Variants in ANKRD6 observed in about 807,000 individuals in gnomAD.
ANKRD6 encodes the protein ankyrin repeat domain-containing protein 6.
In ANKRD6, 56 loss-of-function variants were observed where a neutral mutation model predicts 82.3. The ratio of observed to expected loss-of-function variants is 0.68; its 90% CI spans 0.55 to 0.85. The LOEUF is 0.85. Ranked by LOEUF, ANKRD6 falls within the 40% of genes least tolerant of loss-of-function variation. The probability of loss-of-function intolerance (pLI) is 0.00; values close to 1 mark genes in which losing one functional copy is unlikely to be tolerated. For synonymous variants in ANKRD6, 347 were observed against 352.1 expected (o/e 0.99, Z 0.16); for missense variants, 852 against 907.6 (o/e 0.94, Z 0.79).
At chr6:89,447,865 T>TTTTTTTTTTTTTTTTTC (rs1772301254) in intron 1 of ANKRD6, among the ~76,000 whole-genome samples, 2 of 149,960 alleles carry the variant, frequency 1.3e-5, no homozygotes, top group African/African-American at 2.5e-5. Context: ...TTTTTTTTTT[T>TTTTTTTTTTTTTTTTTC]CAGTAGAGAT....
chr6:89,474,121 C>CAA (rs1171924028), intron 1 of ANKRD6, among the ~76,000 whole-genome samples: 1 of 151,886 alleles, frequency 6.6e-6, no homozygotes, highest in East Asian at 1.9e-4. Flanking sequence ...CAAAACAAAA[C>CAA]AAAACAAAAC....
At chr6:89,576,928 T>G (rs1791241674) in intron 2 of ANKRD6, among the ~76,000 whole-genome samples, 1 of 152,124 alleles carries the variant, frequency 6.6e-6, no homozygotes, top group African/African-American at 2.4e-5. Flanking sequence ...ATGGGCATTT[T>G]TTATTTTTTA....
rs1311177870 is a variant in ANKRD6 at position 89,541,436 on chromosome 6, A to G, written c.-143-25398A>G. Among the ~76,000 whole-genome samples, 6 of 111,030 alleles carry G rather than the reference A, an allele frequency of 5.4e-5. No homozygotes were observed. The East Asian group carries it at 1.4e-3, about 26-fold the overall frequency. 72.8% of individuals were successfully genotyped at this position (111,030 alleles called of 152,430 possible). Reference sequence around the variant, plus strand: ...GAGATGGAGTCTCGCACTGTCACCCAGGCTGGAGTGCAGTGGCGCTATCTC... The same window carrying G: ...GAGATGGAGTCTCGCACTGTCACCCGGGCTGGAGTGCAGTGGCGCTATCTC... On this transcript the variant is annotated intron_variant, in intron 1 of 15. Coordinates refer to ENST00000339746, the MANE Select transcript of ANKRD6 (RefSeq NM_001242809.2).
chr6:89,473,223 C>T (rs1775674601), intron 1 of ANKRD6, among the ~76,000 whole-genome samples: 1 of 152,012 alleles, frequency 6.6e-6, no homozygotes, highest in South Asian at 2.1e-4. Context: ...TCAGCCTGGT[C>T]AACATGGTGA....
intron 4 of ANKRD6, 39 bp from the exon 5 acceptor site, chr6:89,605,968 T>A: frequency 6.9e-7 from 1 of 1,446,942 alleles, no homozygotes; most frequent in Non-Finnish European, 9.4e-7. Flanking sequence ...GAATTAGGTC[T>A]TGGGTAATGT....
rs139733151 is a variant in ANKRD6, at chr6:89,541,729, C to G, written c.-143-25105C>G. On this transcript the variant is annotated intron_variant, in intron 1 of 15. Transcript: ENST00000339746. ...TGTTCACTGTTGGCATATAGAAATA[C>G]TGTTGATTTTTGTATCCTGCAACAT... 3.0e-3 allele frequency among the ~76,000 whole-genome samples: 448 copies of G among 151,852 alleles called. 1 individual carries two copies. Among genetic ancestry groups the G allele is most frequent in the African/African-American group, 9.8e-3 (406 of 41,480 alleles).
intron 1 of ANKRD6, among the ~76,000 whole-genome samples, chr6:89,513,491 C>A (rs1043498769): frequency 1.3e-5 from 2 of 152,118 alleles, no homozygotes; most frequent in Non-Finnish European, 2.9e-5. Flanking sequence ...TTGTATCTGA[C>A]CTCTTTTGCT....
At chr6:89,484,197 C>T (rs745542204) in intron 1 of ANKRD6, among the ~76,000 whole-genome samples, 3 of 152,154 alleles carry the variant, frequency 2.0e-5, no homozygotes, top group Non-Finnish European at 4.4e-5. Context: ...TGTGAGCCAC[C>T]GCGGCCGGCC....
chr6:89,526,448 T>C (rs1392526400), intron 1 of ANKRD6, among the ~76,000 whole-genome samples: 1 of 152,188 alleles, frequency 6.6e-6, no homozygotes, highest in African/African-American at 2.4e-5. Context: ...AGTAGTCCTG[T>C]TGGCAGGCTC....
At chr6:89,572,427 C>T (rs1015816672) in intron 2 of ANKRD6, among the ~76,000 whole-genome samples, 28 of 152,180 alleles carry the variant, frequency 1.8e-4, no homozygotes, top group African/African-American at 3.6e-4. Context: ...TTCAATCTTA[C>T]GGATTTTGAC....
rs190174205 is a variant in ANKRD6, at chr6:89,439,009, T to C, written c.-144+5634T>C. Among the ~76,000 whole-genome samples the C allele has an allele frequency of 7.3e-3, 1,116 of 152,296 alleles. 46 individuals are homozygous for C. Among genetic ancestry groups the C allele is most frequent in the Admixed American group, 0.061 (925 of 15,284 alleles). ...ATGTATGTGTTTGTATATATGTATA[T>C]ACACTGTATAAATAAAATGTTATGT... On this transcript the variant is annotated intron_variant, in intron 1 of 15. Coordinates refer to ENST00000339746, the MANE Select transcript of ANKRD6 (RefSeq NM_001242809.2).
chr6:89,595,964 G>A lies in ANKRD6; in HGVS notation c.169G>A (p.Val57Met), dbSNP rs1326463830. ...TGCTGCCAATAAGGGCCATCTTCCT[G>A]TGGTCCAGATCTTGCTGAAGGCTGG... ...HLAANKGHLP[V>M]VQILLKAGCD... The change falls in exon 3 of 16, where the codon GTG (valine) becomes ATG (methionine). Residue 57 changes from valine (V) to methionine (M), a missense_variant. Coordinates refer to ENST00000339746, the MANE Select transcript of ANKRD6 (RefSeq NM_001242809.2). 1.2e-6 allele frequency: 2 copies of A among 1,611,046 alleles called. No individual in the cohort carries two copies. Among genetic ancestry groups the A allele is most frequent in the Non-Finnish European group, 1.7e-6 (2 of 1,178,848 alleles).
Position 89,471,446 on chromosome 6 carries a change from A to T in ANKRD6, c.-144+38071A>T, listed in dbSNP as rs543681966. The stretch of plus-strand genomic sequence containing the variant: ...CACCTGGAAGGTCATTGAAGCCACG[A>T]GACTGGATGGGACCCCTAGAGAGTA... On this transcript the variant is annotated intron_variant, in intron 1 of 15. Coordinates refer to ENST00000339746, the MANE Select transcript of ANKRD6 (RefSeq NM_001242809.2). Among the ~76,000 whole-genome samples, 5 of 151,906 alleles carry T rather than the reference A, an allele frequency of 3.3e-5. 1 individual carries two copies. Among genetic ancestry groups the T allele is most frequent in the African/African-American group, 1.2e-4 (5 of 41,432 alleles).
At chr6:89,493,729 T>C (rs894908793) in intron 1 of ANKRD6, among the ~76,000 whole-genome samples, 1 of 152,174 alleles carries the variant, frequency 6.6e-6, no homozygotes, top group Non-Finnish European at 1.5e-5. Flanking sequence ...CTGTCTCTTA[T>C]AAGGATACAT....
intron 2 of ANKRD6, among the ~76,000 whole-genome samples, chr6:89,594,467 AAC>A (rs1006413614): frequency 3.3e-5 from 5 of 152,276 alleles, no homozygotes; most frequent in Non-Finnish European, 5.9e-5. Flanking sequence ...GAAAAAAAAA[AAC>A]AAAGGTTTGA....
intron 1 of ANKRD6, among the ~76,000 whole-genome samples, chr6:89,441,174 A>G (rs1582595777): frequency 1.3e-5 from 2 of 152,040 alleles, no homozygotes; most frequent in African/African-American, 4.8e-5. Flanking sequence ...TTTTTGAGAC[A>G]GAGTCTCGCT....
intron 1 of ANKRD6, among the ~76,000 whole-genome samples, chr6:89,478,924 G>A (rs972209965): frequency 1.3e-4 from 20 of 152,146 alleles, no homozygotes; most frequent in Non-Finnish European, 2.9e-5. Flanking sequence ...CTCGGAAGTA[G>A]CCTACCCTGC....
At chr6:89,485,574 C>T (rs9362657) in intron 1 of ANKRD6, among the ~76,000 whole-genome samples, 1 of 152,316 alleles carries the variant, frequency 6.6e-6, no homozygotes, top group Middle Eastern at 3.4e-3. Context: ...TCACACTTCT[C>T]TGCTGCTTGG....
chr6:89,527,627 GAAAAA>G (rs1422104470), intron 1 of ANKRD6, among the ~76,000 whole-genome samples: 4 of 107,664 alleles, frequency 3.7e-5, no homozygotes, highest in African/African-American at 1.3e-4. Flanking sequence ...AAAAAAAAAA[GAAAAA>G]GAAAAGAAAA....
Sources: gnomAD v4.1 joint callset for allele counts (sites outside exome capture counted in the v4.1 genomes callset) on GRCh38, gnomAD v4.1.1 for gene constraint, MANE v1.5 for transcripts, NCBI Gene and HGNC (gene_info 2026-07-23, HGNC 2026-07-21) for gene names.